The following PTGER3 variants were observed in gnomAD, a reference collection of about 807,000 sequenced individuals.
PTGER3 encodes the protein prostaglandin E2 receptor EP3 subtype.
Under a neutral mutation model 34.7 loss-of-function variants are expected in PTGER3, and 22 were observed. The ratio of observed to expected loss-of-function variants is 0.63; its 90% CI spans 0.45 to 0.91. PTGER3 has a LOEUF of 0.91. Ranked by LOEUF, PTGER3 falls within the 40% of genes least tolerant of loss-of-function variation. PTGER3 has a pLI of 0.00. For synonymous variants in PTGER3, 241 were observed against 230.1 expected (o/e 1.05, Z -0.43); for missense variants, 468 against 519.4 (o/e 0.90, Z 0.96).
At chr1:70,893,362 C>T (rs1646659650) in intron 4 of PTGER3, among the ~76,000 whole-genome samples, 1 of 152,206 alleles carries the variant, frequency 6.6e-6, no homozygotes, top group Admixed American at 6.5e-5. Flanking sequence ...TGCCTCCTCC[C>T]ACAGGACACC....
At position 70,971,522 on chromosome 1, in the gene PTGER3, A is replaced by G. The variant is rs1653076901; in HGVS notation, c.*208T>C. On this transcript the variant is annotated 3_prime_UTR_variant, in exon 4 of 4. Transcript: ENST00000306666. ...TAAATGCATATTCAAAATCCCATCC[A>G]AGAAACCAATCTAATATTCAGAGGC... 8.2e-7 allele frequency: 1 copy of G among 1,220,696 alleles called. No homozygotes were observed. Among genetic ancestry groups the G allele is most frequent in the African/African-American group, 1.6e-5 (1 of 63,748 alleles). 75.6% of individuals were successfully genotyped at this position (1,220,696 alleles called of 1,614,324 possible). A position where few individuals can be genotyped will look rare whatever the true frequency, so the allele number is the denominator to read the frequency against.
Position 70,878,920 on chromosome 1 carries a change from T to C in PTGER3, c.*24-26061A>G, listed in dbSNP as rs557638651. Among the ~76,000 whole-genome samples the C allele has an allele frequency of 1.9e-4, 29 of 152,348 alleles. No homozygotes were observed. The South Asian group carries it at 5.6e-3, about 29-fold the overall frequency. ...GTGGTTGATTTTAGAGTATGTGCTA[T>C]GTGCAGATAGGAAAAATGTATATTC... is the stretch of plus-strand genomic sequence containing the variant. On this transcript the variant is annotated intron_variant, in intron 4 of 4. Transcript: ENST00000370931.
intron 1 of PTGER3, among the ~76,000 whole-genome samples, chr1:71,043,921 A>T (rs1243224100): frequency 1.3e-5 from 2 of 151,174 alleles, no homozygotes; most frequent in African/African-American, 4.9e-5. Context: ...AGCCTAAGTA[A>T]TTCTCCTGCA....
chr1:70,938,170 A>C (rs2100530733), intron 4 of PTGER3, among the ~76,000 whole-genome samples: 1 of 152,298 alleles, frequency 6.6e-6, no homozygotes, highest in African/African-American at 2.4e-5. Context: ...CATGCTATAG[A>C]AATAAAAATA....
chr1:71,000,907 T>C (rs1180938044), intron 2 of PTGER3, among the ~76,000 whole-genome samples: 1 of 152,172 alleles, frequency 6.6e-6, no homozygotes, highest in Non-Finnish European at 1.5e-5. Context: ...GTTATAACTA[T>C]AATGGGAGAA....
chr1:71,022,192 A>G (rs1658480436), intron 1 of PTGER3, among the ~76,000 whole-genome samples: 1 of 151,910 alleles, frequency 6.6e-6, no homozygotes, highest in African/African-American at 2.4e-5. Context: ...GCTATAAACA[A>G]TCATCTATCC....
chr1:70,895,081 T>C (rs913842029), intron 4 of PTGER3, among the ~76,000 whole-genome samples: 3 of 152,232 alleles, frequency 2.0e-5, no homozygotes, highest in Non-Finnish European at 2.9e-5. Context: ...TTGATTTCAA[T>C]TGATTATTGA....
At chr1:70,862,340 C>G in intron 4 of PTGER3, 1 of 1,365,512 alleles carries the variant, frequency 7.3e-7, no homozygotes, top group Non-Finnish European at 9.8e-7. Flanking sequence ...TACTTCATCC[C>G]AGGGTTAGGC....
intron 1 of PTGER3, among the ~76,000 whole-genome samples, chr1:71,020,693 GC>G (rs1248787752): frequency 1.5e-5 from 2 of 132,010 alleles, no homozygotes; most frequent in African/African-American, 6.2e-5. Flanking sequence ...GTGTATGTTA[GC>G]AGAGTGTGTG....
rs141847446 is a variant in PTGER3, at chr1:71,018,942, A to G, written c.898-6458T>C. 1.1e-4 allele frequency among the ~76,000 whole-genome samples: 17 copies of G among 152,290 alleles called. No individual in the cohort carries two copies. The East Asian group carries it at 3.3e-3, about 29-fold the overall frequency. On this transcript the variant is annotated intron_variant, in intron 1 of 3. Transcript: ENST00000306666. ...TTTCCCCAGAAATCATGAGATGTGC[A>G]ATATAGAGATAATTGGAATTAGAAG...
Position 70,974,297 on chromosome 1 carries a change from C to A in PTGER3, c.1169G>T (p.Arg390Ile), listed in dbSNP as rs1201314369. 1 of 1,610,174 alleles carries A rather than the reference C, an allele frequency of 6.2e-7. No individual in the cohort carries two copies. Among genetic ancestry groups the A allele is most frequent in the Non-Finnish European group, 8.5e-7 (1 of 1,176,886 alleles). Residue 390 changes from arginine to isoleucine, a missense_variant and splice_region_variant, in exon 3 of 4, where the codon AGA becomes ATA. By Grantham distance (97) the Arg-to-Ile change is moderately conservative (BLOSUM62 -3). Around this residue, in one of 5 missense-constraint regions of PTGER3, gnomAD observed 57 missense variants for 43.8 expected, o/e 1.30. Coordinates refer to ENST00000306666, the MANE Select transcript of PTGER3 (RefSeq NM_198719.2). ...STLMWSDHLE[R>I] Reference sequence around the variant, plus strand: ...AATCCCGGCAGTTTCTAAATCTCACCTTTCCAAATGGTCGCTCCACATCAA... The same window carrying A: ...AATCCCGGCAGTTTCTAAATCTCACATTTCCAAATGGTCGCTCCACATCAA...
chr1:70,966,840 A>C (rs1652575556), downstream of PTGER3, among the ~76,000 whole-genome samples: 1 of 152,238 alleles, frequency 6.6e-6, no homozygotes, highest in Non-Finnish European at 1.5e-5. Flanking sequence ...TTCTTTATCC[A>C]GTCTATCACT....
chr1:70,949,713 G>C (rs1384089822), downstream of PTGER3, among the ~76,000 whole-genome samples: 1 of 152,148 alleles, frequency 6.6e-6, no homozygotes, highest in Admixed American at 6.5e-5. Context: ...GGCACAGGTA[G>C]GTGAAGGTCT....
At chr1:70,875,924 G>T (rs972793542) in intron 4 of PTGER3, among the ~76,000 whole-genome samples, 1 of 152,114 alleles carries the variant, frequency 6.6e-6, no homozygotes, top group Non-Finnish European at 1.5e-5. Context: ...CTTTATGGTA[G>T]AATGATTTAT....
intron 1 of PTGER3, among the ~76,000 whole-genome samples, chr1:71,039,950 A>ATAC (rs1221961221): frequency 4.6e-5 from 7 of 152,096 alleles, no homozygotes; most frequent in Admixed American, 1.3e-4. Context: ...ATAGTACTGT[A>ATAC]TACTACCCCA....
At chr1:71,011,241 A>T (rs780660171) in intron 2 of PTGER3, 39 of 985,262 alleles carry the variant, frequency 4.0e-5, no homozygotes, top group Non-Finnish European at 4.6e-5. Flanking sequence ...AGGAGCAGGC[A>T]GAAGAGCTGT....
intron 2 of PTGER3, among the ~76,000 whole-genome samples, chr1:70,999,421 T>A (rs570148625): frequency 1.3e-5 from 2 of 152,272 alleles, no homozygotes; most frequent in East Asian, 3.9e-4. Flanking sequence ...ATCAAATAGA[T>A]TTCACCTGTT....
intron 1 of PTGER3, among the ~76,000 whole-genome samples, chr1:71,031,245 A>AACAC (rs56278148): frequency 7.4e-5 from 11 of 149,278 alleles, no homozygotes; most frequent in African/African-American, 2.2e-4. Context: ...GTGGCAGGAA[A>AACAC]ACACACACAC....
chr1:70,943,695 A>G (rs1649957726), intron 4 of PTGER3, among the ~76,000 whole-genome samples: 1 of 151,962 alleles, frequency 6.6e-6, no homozygotes, highest in Non-Finnish European at 1.5e-5. Flanking sequence ...TTTTTCCACA[A>G]ATTTTGAATT....
Sources: allele counts gnomAD v4.1 joint callset (sites outside exome capture counted in the v4.1 genomes callset), GRCh38; gene constraint gnomAD v4.1.1; regional missense constraint gnomAD v4.1.1; transcripts MANE v1.5; gene names NCBI Gene and HGNC (gene_info 2026-07-23, HGNC 2026-07-21).